Variants in DYRK1A observed in about 807,000 individuals in gnomAD.
DYRK1A encodes the protein dual specificity tyrosine phosphorylation regulated kinase 1A, also known as dual specificity tyrosine-phosphorylation-regulated kinase 1A.
Under a neutral mutation model 79.7 loss-of-function variants are expected in DYRK1A, and 9 were observed. That is an observed-to-expected ratio of 0.11 (90% confidence interval 0.07 to 0.20). The LOEUF (loss-of-function observed/expected upper bound fraction) is 0.20. Among genes scored for constraint, DYRK1A ranks in the 10% least tolerant of loss-of-function variants. The pLI, the probability that DYRK1A is intolerant of heterozygous loss-of-function variation, is 1.00. For missense variants in DYRK1A, 622 were observed against 956.0 expected, an observed-to-expected ratio of 0.65 and a Z score of 4.61; for synonymous variants, 349 against 329.7, an observed-to-expected ratio of 1.06 and a Z score of -0.63.
intron 9 of DYRK1A, among the ~76,000 whole-genome samples, chr21:37,498,888 T>G (rs1222579595): frequency 6.6e-6 from 1 of 152,190 alleles, no homozygotes; most frequent in African/African-American, 2.4e-5. Context: ...GCATTTGCAT[T>G]TCTTCATGGC....
chr21:37,398,065 C>CT (rs1208933722), intron 1 of DYRK1A, among the ~76,000 whole-genome samples: 1 of 37,710 alleles, frequency 2.7e-5, no homozygotes, highest in African/African-American at 9.3e-5. Flanking sequence ...GACCTCATCT[C>CT]TTAAAAAAAA....
intron 1 of DYRK1A, among the ~76,000 whole-genome samples, chr21:37,415,274 A>G (rs1012313799): frequency 6.6e-6 from 1 of 152,174 alleles, no homozygotes; most frequent in Non-Finnish European, 1.5e-5. Flanking sequence ...TGCATGAGAA[A>G]GCACATGCTT....
At chr21:37,385,156 T>A (rs1341230236) in intron 1 of DYRK1A, among the ~76,000 whole-genome samples, 1 of 152,132 alleles carries the variant, frequency 6.6e-6, no homozygotes, top group Non-Finnish European at 1.5e-5. Context: ...GTAGAAGAAC[T>A]TTATTATGTA....
intron 2 of DYRK1A, among the ~76,000 whole-genome samples, chr21:37,467,844 C>T (rs543980479): frequency 9.2e-4 from 140 of 152,180 alleles, no homozygotes; most frequent in African/African-American, 2.5e-3. Context: ...TAAATCATCA[C>T]TGTACTAAAG....
rs191650345 is a variant in DYRK1A, at chr21:37,411,260, G to T, written c.-76-9039G>T. Among the ~76,000 whole-genome samples the T allele has an allele frequency of 2.8e-3, 431 of 151,928 alleles. 2 individuals carry two copies. Among genetic ancestry groups the T allele is most frequent in the African/African-American group, 9.4e-3 (391 of 41,420 alleles). Reference sequence around the variant, plus strand: ...AATCCCAGCTACTCAGGCGGCTGAGGCAGGAGAAATGCTTGAACCCAGGAG... The same window carrying T: ...AATCCCAGCTACTCAGGCGGCTGAGTCAGGAGAAATGCTTGAACCCAGGAG... On this transcript the variant is annotated intron_variant, in intron 1 of 11. Coordinates refer to ENST00000647188, the MANE Select transcript of DYRK1A (RefSeq NM_001347721.2).
chr21:37,384,627 C>G (rs1602376235), intron 1 of DYRK1A, among the ~76,000 whole-genome samples: 1 of 152,120 alleles, frequency 6.6e-6, no homozygotes, highest in Non-Finnish European at 1.5e-5. Context: ...AGCATGCAAT[C>G]AAAGATTACT....
At position 37,518,313 on chromosome 21, in the gene DYRK1A, C is replaced by G. The variant is rs78914394; in HGVS notation, c.*5782C>G. On this transcript the variant is annotated 3_prime_UTR_variant, in exon 12 of 12. Transcript: ENST00000647188. ...GAGGAGCTCACTTCAGGCACCACTC[C>G]CACTTCCATTGCCCGCAAATCCAGG... 2 of 152,354 alleles carry G rather than the reference C, an allele frequency of 1.3e-5. No homozygotes were observed. The highest frequency in any genetic ancestry group is 1.9e-4 in the East Asian group (1 of 5,192). 9.4% of individuals were successfully genotyped at this position (152,354 alleles called of 1,614,324 possible). A position where few individuals can be genotyped will look rare whatever the true frequency, so the allele number is the denominator to read the frequency against.
intron 2 of DYRK1A, among the ~76,000 whole-genome samples, chr21:37,433,510 T>C (rs2050835980): frequency 6.6e-6 from 1 of 152,228 alleles, no homozygotes; most frequent in African/African-American, 2.4e-5. Flanking sequence ...GGCTTTAAAA[T>C]CTTTCCCTTT....
intron 7 of DYRK1A, among the ~76,000 whole-genome samples, chr21:37,492,716 GT>G (rs544474902): frequency 8.7e-5 from 13 of 149,058 alleles, no homozygotes; most frequent in South Asian, 2.1e-4. Flanking sequence ...TTTCAATAGT[GT>G]TTTTTTTTTC....
chr21:37,392,240 A>ACTCAAGATAAGT (rs2049884042), intron 1 of DYRK1A, among the ~76,000 whole-genome samples: 1 of 152,212 alleles, frequency 6.6e-6, no homozygotes, highest in Non-Finnish European at 1.5e-5. Flanking sequence ...AGTCTTCTGT[A>ACTCAAGATAAGT]ACCTGACGTA....
chr21:37,508,494 C>G (rs1412597903), intron 11 of DYRK1A, among the ~76,000 whole-genome samples: 1 of 152,144 alleles, frequency 6.6e-6, no homozygotes, highest in East Asian at 1.9e-4. Flanking sequence ...GCCACGTTGG[C>G]CAGGCTGGTC....
At chr21:37,420,100 G>T in intron 1 of DYRK1A, 199 bp from the exon 2 acceptor site, 3 of 263,866 alleles carry the variant, frequency 1.1e-5, no homozygotes, top group Non-Finnish European at 2.1e-5. Context: ...TCTGACAATT[G>T]AATATATTTT....
chr21:37,383,479 T>G (rs947339013), intron 1 of DYRK1A, among the ~76,000 whole-genome samples: 1 of 152,230 alleles, frequency 6.6e-6, no homozygotes, highest in African/African-American at 2.4e-5. Context: ...CTAAGAACCT[T>G]TACTTGGAAG....
At chr21:37,467,566 C>T (rs146104725) in intron 2 of DYRK1A, among the ~76,000 whole-genome samples, 75 of 152,284 alleles carry the variant, frequency 4.9e-4, no homozygotes, top group African/African-American at 1.7e-3. Context: ...AATCAATCAG[C>T]GTCATTCACC....
intron 9 of DYRK1A, chr21:37,501,490 C>T (rs2053450518): frequency 1.3e-5 from 2 of 152,126 alleles, no homozygotes; most frequent in South Asian, 2.1e-4. Context: ...TTTTAACAGT[C>T]ATTCTGAAAT....
At chr21:37,460,506 A>G (rs1019409074) in intron 2 of DYRK1A, among the ~76,000 whole-genome samples, 1 of 152,210 alleles carries the variant, frequency 6.6e-6, no homozygotes, top group Non-Finnish European at 1.5e-5. Context: ...ACCGGTCTTC[A>G]TTCTTTTCAT....
intron 2 of DYRK1A, among the ~76,000 whole-genome samples, chr21:37,452,434 A>C (rs1473673078): frequency 6.6e-6 from 1 of 152,104 alleles, no homozygotes; most frequent in Non-Finnish European, 1.5e-5. Flanking sequence ...GGATGGGTGG[A>C]GATGCCGTTT....
At chr21:37,485,306 A>G (rs2052817089) in intron 5 of DYRK1A, among the ~76,000 whole-genome samples, 1 of 152,198 alleles carries the variant, frequency 6.6e-6, no homozygotes, top group African/African-American at 2.4e-5. Flanking sequence ...CATCCAGTGA[A>G]GCAGAAGCAT....
intron 1 of DYRK1A, among the ~76,000 whole-genome samples, chr21:37,398,368 T>G (rs1341815225): frequency 6.6e-6 from 1 of 151,224 alleles, no homozygotes; most frequent in Non-Finnish European, 1.5e-5. Context: ...AAAAGTGCCG[T>G]AAAAATTTTT....
Sources: gnomAD v4.1 joint callset for allele counts (sites outside exome capture counted in the v4.1 genomes callset) on GRCh38, gnomAD v4.1.1 for gene constraint, MANE v1.5 for transcripts, NCBI Gene and HGNC (gene_info 2026-07-23, HGNC 2026-07-21) for gene names.